CSMD1: variants seen among roughly 807,000 people sequenced by gnomAD.
CSMD1 encodes the protein CUB and Sushi multiple domains 1, also known as CUB and sushi domain-containing protein 1.
A neutral mutation model predicts 417.5 loss-of-function variants in CSMD1; 213 were observed. That is an observed-to-expected ratio of 0.51 (90% CI 0.46 to 0.57). CSMD1 has a LOEUF of 0.57. CSMD1 is among the 20% of genes least tolerant of loss of function. CSMD1 has a pLI of 0.00. For missense variants in CSMD1, 6,923 were observed against 4,529.7 expected, an observed-to-expected ratio of 1.53 and a Z score of -15.17; for synonymous variants, 2,862 against 1,736.8, an observed-to-expected ratio of 1.65 and a Z score of -16.11.
intron 3 of CSMD1, among the ~76,000 whole-genome samples, chr8:4,379,501 T>G (rs1225822101): frequency 6.6e-6 from 1 of 152,214 alleles, no homozygotes; most frequent in African/African-American, 2.4e-5. Context: ...TGGTTAATGT[T>G]AGCACTGGAA....
chr8:4,890,879 C>A (rs1804074230), intron 1 of CSMD1, among the ~76,000 whole-genome samples: 1 of 152,086 alleles, frequency 6.6e-6, no homozygotes, highest in Non-Finnish European at 1.5e-5. Context: ...AACATGATTT[C>A]AGCCAAACCC....
intron 1 of CSMD1, among the ~76,000 whole-genome samples, chr8:4,846,568 T>C (rs979699979): frequency 2.0e-5 from 3 of 152,224 alleles, no homozygotes; most frequent in Non-Finnish European, 4.4e-5. Context: ...TTTAAACTCA[T>C]GGTACTTTTC....
At chr8:4,326,812 T>A (rs1264092874) in intron 3 of CSMD1, among the ~76,000 whole-genome samples, 1 of 151,006 alleles carries the variant, frequency 6.6e-6, no homozygotes, top group Non-Finnish European at 1.5e-5. Context: ...CAAGAAAACT[T>A]TGGCTTTGAG....
intron 10 of CSMD1, among the ~76,000 whole-genome samples, chr8:3,545,983 G>C (rs1287495384): frequency 6.6e-6 from 1 of 152,168 alleles, no homozygotes; most frequent in African/African-American, 2.4e-5. Flanking sequence ...CAAACAATTA[G>C]TCAACATATT....
At chr8:4,296,228 T>G (rs748360942) in intron 3 of CSMD1, among the ~76,000 whole-genome samples, 4 of 152,226 alleles carry the variant, frequency 2.6e-5, no homozygotes, top group South Asian at 2.1e-4. Context: ...GCTTAAAACC[T>G]TGATCAGTGA....
intron 5 of CSMD1, among the ~76,000 whole-genome samples, chr8:3,891,271 A>C (rs1806950986): frequency 6.6e-6 from 1 of 152,038 alleles, no homozygotes; most frequent in Non-Finnish European, 1.5e-5. Flanking sequence ...CTAGTCTCAA[A>C]AATTCCTTGC....
At chr8:4,812,935 A>G (rs1798993885) in intron 1 of CSMD1, among the ~76,000 whole-genome samples, 1 of 152,218 alleles carries the variant, frequency 6.6e-6, no homozygotes, top group African/African-American at 2.4e-5. Flanking sequence ...TAAATCATGC[A>G]TTTCTTGACA....
At chr8:4,457,445 T>A (rs975743620) in intron 2 of CSMD1, among the ~76,000 whole-genome samples, 1 of 152,044 alleles carries the variant, frequency 6.6e-6, no homozygotes, top group African/African-American at 2.4e-5. Context: ...ACAAACATAA[T>A]GCATTGAAAA....
intron 12 of CSMD1, among the ~76,000 whole-genome samples, chr8:3,463,215 C>A (rs755632363): frequency 6.6e-6 from 1 of 152,218 alleles, no homozygotes; most frequent in African/African-American, 2.4e-5. Context: ...CTCCACCCAA[C>A]TCCACTTCCT....
At chr8:4,446,776 TG>T (rs1310958097) in intron 2 of CSMD1, among the ~76,000 whole-genome samples, 1 of 147,484 alleles carries the variant, frequency 6.8e-6, no homozygotes, top group Non-Finnish European at 1.5e-5. Context: ...TGTGTGTGTG[TG>T]TGTGTGTGTG....
chr8:3,853,896 T>TTAATATATTAATATATTAAAGTA (rs1563147058), intron 5 of CSMD1, among the ~76,000 whole-genome samples: 7 of 145,574 alleles, frequency 4.8e-5, no homozygotes, highest in Non-Finnish European at 7.5e-5. Context: ...ATATTATACT[T>TTAATATATTAATATATTAAAGTA]TAATATATTA....
intron 3 of CSMD1, among the ~76,000 whole-genome samples, chr8:4,080,003 GTT>G (rs5889015): frequency 1.2e-4 from 17 of 144,550 alleles, no homozygotes; most frequent in African/African-American, 2.8e-4. Context: ...GAATATTGGT[GTT>G]TTTTTTTTTT....
chr8:4,982,525 T>C (rs957759016), intron 1 of CSMD1, among the ~76,000 whole-genome samples: 3 of 152,246 alleles, frequency 2.0e-5, no homozygotes, highest in Non-Finnish European at 4.4e-5. Flanking sequence ...TCTCTTCTTC[T>C]GATTTTGAAG....
rs1585364528 is a variant in CSMD1 at position 4,123,555 on chromosome 8, A to T, written c.416-91456T>A. On this transcript the variant is annotated intron_variant, in intron 3 of 69. Transcript: ENST00000635120. ...CATTGAAAATGTGAACTTGTAACAC[A>T]TTTAAAGTGAGGAAATTCAACGTTA... Among the ~76,000 whole-genome samples the T allele has an allele frequency of 1.3e-5, 2 of 152,340 alleles. 1 individual carries two copies. Among genetic ancestry groups the T allele is most frequent in the Middle Eastern group, 6.8e-3 (2 of 294 alleles).
At chr8:4,164,661 T>A (rs1797352976) in intron 3 of CSMD1, among the ~76,000 whole-genome samples, 1 of 152,144 alleles carries the variant, frequency 6.6e-6, no homozygotes, top group Admixed American at 6.6e-5. Context: ...AAGACACGAT[T>A]GAATTTTGAG....
At position 4,327,339 on chromosome 8, in the gene CSMD1, G is replaced by A. The variant is rs550429652; in HGVS notation, c.415+92614C>T. 3.3e-5 allele frequency among the ~76,000 whole-genome samples: 5 copies of A among 152,224 alleles called. No homozygotes were observed. In the East Asian group the frequency reaches 7.7e-4, roughly 24 times the overall value. ...CAAGAGCAATTTTAAGAGAGAATCAGAATAGGCAGAGAGTTAAAAGAAAGG... is the reference window on the plus strand; with the variant it reads ...CAAGAGCAATTTTAAGAGAGAATCAAAATAGGCAGAGAGTTAAAAGAAAGG... On this transcript the variant is annotated intron_variant, in intron 3 of 69. Transcript: ENST00000635120.
At chr8:3,164,634 G>C (rs946728742) in intron 37 of CSMD1, among the ~76,000 whole-genome samples, 2 of 151,864 alleles carry the variant, frequency 1.3e-5, no homozygotes, top group African/African-American at 4.8e-5. Context: ...TAAAATACTA[G>C]GTAAATTTTA....
intron 3 of CSMD1, among the ~76,000 whole-genome samples, chr8:4,081,294 G>T (rs2554638): frequency 0.73 from 111,198 of 152,112 alleles, 41,257 homozygotes; most frequent in South Asian, 0.82. Context: ...TCTCCTAGCA[G>T]GTAAGCTCTA....
At chr8:4,426,636 A>AT (rs1797575311) in intron 2 of CSMD1, among the ~76,000 whole-genome samples, 4 of 147,250 alleles carry the variant, frequency 2.7e-5, no homozygotes, top group East Asian at 2.0e-4. Flanking sequence ...ATAATATAGT[A>AT]ATATTTTGTT....
Sources: allele counts gnomAD v4.1 joint callset (sites outside exome capture counted in the v4.1 genomes callset), GRCh38; gene constraint gnomAD v4.1.1; transcripts MANE v1.5; gene names NCBI Gene and HGNC (gene_info 2026-07-23, HGNC 2026-07-21).